PGBD5: variants seen among roughly 807,000 people sequenced by gnomAD.
PGBD5 encodes piggyBac transposable element-derived protein 5.
PGBD5 carries 14 observed loss-of-function variants against 47.9 expected under a neutral mutation model. The ratio of observed to expected loss-of-function variants is 0.29; its 90% CI spans 0.19 to 0.46. The LOEUF is 0.46. PGBD5 is among the 20% of genes least tolerant of loss of function. PGBD5 has a pLI of 1.00. For missense variants in PGBD5, 635 were observed against 716.0 expected (o/e 0.89, Z 1.29); for synonymous variants, 316 against 306.3 (o/e 1.03, Z -0.33).
intron 1 of PGBD5, among the ~76,000 whole-genome samples, chr1:230,369,736 A>G (rs1169521795): frequency 6.6e-6 from 1 of 152,114 alleles, no homozygotes; most frequent in African/African-American, 2.4e-5. Context: ...TGGGGTACTC[A>G]TGGCATCCCA....
At position 230,339,377 on chromosome 1, in the gene PGBD5, A is replaced by C. The variant is rs1571829939; in HGVS notation, c.895-2089T>G. 3.3e-5 allele frequency among the ~76,000 whole-genome samples: 5 copies of C among 152,348 alleles called. No individual in the cohort carries two copies. In the South Asian group the frequency reaches 1.0e-3, roughly 32 times the overall value. On this transcript the variant is annotated intron_variant, in intron 3 of 6. Transcript: ENST00000391860. Reference sequence around the variant, plus strand: ...TGCTGATTTGGTATAAATACGCATAAACTTTCCGGAGGGAAATTTTGCCCA... The same window carrying C: ...TGCTGATTTGGTATAAATACGCATACACTTTCCGGAGGGAAATTTTGCCCA...
rs1024517113 is a variant in PGBD5 at position 230,318,626 on chromosome 1, TAAGG to T, written c.*4795_*4798del. On this transcript the variant is annotated 3_prime_UTR_variant, in exon 7 of 7. Coordinates refer to ENST00000391860, the MANE Select transcript of PGBD5 (RefSeq NM_001258311.2). ...AGCCAAAGCTTGGCAAGCCCTCGCT[TAAGG>T]AAGAGGGACCAGAACCACAAAGCTG... The T allele has an allele frequency of 3.3e-5, 5 of 152,180 alleles. No homozygotes were observed. The highest frequency in any genetic ancestry group is 1.2e-4 in the African/African-American group (5 of 41,396). The allele number at this position is 152,180 out of a possible 1,614,324, so 9.4% of individuals were successfully genotyped here. A position where few individuals can be genotyped will look rare whatever the true frequency, so the allele number is the denominator to read the frequency against.
chr1:230,410,600 G>C (rs541685555), intron 1 of PGBD5, among the ~76,000 whole-genome samples: 1 of 152,176 alleles, frequency 6.6e-6, no homozygotes, highest in South Asian at 2.1e-4. Context: ...ATCAAAAGGG[G>C]AACTGGAGGA....
At chr1:230,390,522 G>A (rs749073361) in intron 1 of PGBD5, among the ~76,000 whole-genome samples, 5 of 152,098 alleles carry the variant, frequency 3.3e-5, no homozygotes, top group Non-Finnish European at 7.4e-5. Flanking sequence ...AAAGGGTGAG[G>A]GCAAACTCAA....
chr1:230,389,659 T>C (rs1011993349), intron 1 of PGBD5, among the ~76,000 whole-genome samples: 3 of 152,060 alleles, frequency 2.0e-5, no homozygotes, highest in African/African-American at 7.3e-5. Context: ...GAGAATACAG[T>C]TGAGAGAGCT....
intron 4 of PGBD5, 130 bp from the exon 5 acceptor site, chr1:230,333,171 C>T: frequency 2.3e-6 from 2 of 882,566 alleles, no homozygotes; most frequent in South Asian, 1.7e-5. Flanking sequence ...GAGTCAGACC[C>T]TCTAGAGACC....
At position 230,349,221 on chromosome 1, in the gene PGBD5, T is replaced by A. The variant is rs546727455; in HGVS notation, c.894+1737A>T. Among the ~76,000 whole-genome samples, 5 of 152,206 alleles carry A rather than the reference T, an allele frequency of 3.3e-5. No homozygotes were observed. In the East Asian group the frequency reaches 9.7e-4, roughly 29 times the overall value. On this transcript the variant is annotated intron_variant, in intron 3 of 6. Coordinates refer to ENST00000391860, the MANE Select transcript of PGBD5 (RefSeq NM_001258311.2). ...GCCAGATGCACACAGGATCCGCATGTAAACATTTATTCCAAAGCTACACAG... is the reference window on the plus strand; with the variant it reads ...GCCAGATGCACACAGGATCCGCATGAAAACATTTATTCCAAAGCTACACAG...
chr1:230,408,718 C>T (rs574592054), intron 1 of PGBD5, among the ~76,000 whole-genome samples: 42 of 151,910 alleles, frequency 2.8e-4, no homozygotes, highest in Non-Finnish European at 5.4e-4. Flanking sequence ...TCAAAATAGA[C>T]CAAAGATGTA....
At position 230,323,580 on chromosome 1, in the gene PGBD5, C is replaced by T; in HGVS notation, c.1420G>A (p.Val474Met). 1 of 1,614,124 alleles carries T rather than the reference C, an allele frequency of 6.2e-7. No individual in the cohort carries two copies. The highest frequency in any genetic ancestry group is 1.3e-5 in the African/African-American group (1 of 75,044). Reference protein sequence around the residue: ...SHKPNKTWQQVFWFAISIAIN... With the variant: ...SHKPNKTWQQMFWFAISIAIN... Reference sequence around the variant, plus strand: ...GCGATGCTGATGGCGAACCAGAACACCTGCTGCCAGGTCTTGTTTGGTTTA... The same window carrying T: ...GCGATGCTGATGGCGAACCAGAACATCTGCTGCCAGGTCTTGTTTGGTTTA... The change falls in exon 7 of 7, where the codon GTG becomes ATG. Residue 474 changes from valine to methionine, a missense_variant. By Grantham distance (21) the Val-to-Met change is conservative. Coordinates refer to ENST00000391860, the MANE Select transcript of PGBD5 (RefSeq NM_001258311.2). The surrounding 1 kb of genome is among the most constrained non-coding windows in gnomAD (Gnocchi z 4.1).
Position 230,318,577 on chromosome 1 carries a change from C to T in PGBD5, c.*4848G>A, listed in dbSNP as rs1324991201. The T allele has an allele frequency of 2.0e-5, 3 of 152,260 alleles. No individual in the cohort carries two copies. Among genetic ancestry groups the T allele is most frequent in the Admixed American group, 1.3e-4 (2 of 15,290 alleles). 9.4% of individuals were successfully genotyped at this position (152,260 alleles called of 1,614,324 possible). A position where few individuals can be genotyped will look rare whatever the true frequency, so the allele number is the denominator to read the frequency against. On this transcript the variant is annotated 3_prime_UTR_variant, in exon 7 of 7. Coordinates refer to ENST00000391860, the MANE Select transcript of PGBD5 (RefSeq NM_001258311.2). Reference sequence around the variant, plus strand: ...GGACTTCTTTCGTTTGGAACTCCCACTACACAAGGCTAAGGCTTTCCACAG... The same window carrying T: ...GGACTTCTTTCGTTTGGAACTCCCATTACACAAGGCTAAGGCTTTCCACAG...
chr1:230,389,318 G>A (rs2820370), intron 1 of PGBD5, among the ~76,000 whole-genome samples: 15,722 of 151,624 alleles, frequency 0.1, 1,289 homozygotes, highest in Non-Finnish European at 0.15. Context: ...GATTACAGGC[G>A]CGTGCCACCA....
chr1:230,345,393 AT>A (rs1461368931), intron 3 of PGBD5, among the ~76,000 whole-genome samples: 2 of 152,244 alleles, frequency 1.3e-5, no homozygotes, highest in Non-Finnish European at 2.9e-5. Flanking sequence ...CATCATCTGT[AT>A]AAATCTCTCC....
intron 1 of PGBD5, among the ~76,000 whole-genome samples, chr1:230,394,167 AG>A (rs1421572141): frequency 2.0e-5 from 3 of 151,964 alleles, no homozygotes; most frequent in Non-Finnish European, 4.4e-5. Flanking sequence ...ATCATCCCAC[AG>A]GGCCAGGGAG....
At chr1:230,418,498 T>C (rs146459417) in intron 1 of PGBD5, among the ~76,000 whole-genome samples, 287 of 152,232 alleles carry the variant, frequency 1.9e-3, no homozygotes, top group Non-Finnish European at 3.3e-3. Context: ...ATGCTAAGAA[T>C]GTTTTTCTTT....
At chr1:230,381,166 C>T (rs537209605) in intron 1 of PGBD5, among the ~76,000 whole-genome samples, 4 of 152,342 alleles carry the variant, frequency 2.6e-5, no homozygotes, top group East Asian at 1.9e-4. Context: ...AACAAGGTTG[C>T]GAAATTTACC....
rs1299961755 is a variant in PGBD5, at chr1:230,323,215, T to A, written c.*210A>T. Reference sequence around the variant, plus strand: ...CTCATCACACCGGCGGCACTGTTTCTCGAGGGAGGACATGCTCTTCTTGGA... The same window carrying A: ...CTCATCACACCGGCGGCACTGTTTCACGAGGGAGGACATGCTCTTCTTGGA... On this transcript the variant is annotated 3_prime_UTR_variant, in exon 7 of 7. Coordinates refer to ENST00000391860, the MANE Select transcript of PGBD5 (RefSeq NM_001258311.2). This position sits in a 1 kb window ranked among gnomAD's most constrained non-coding sequence, Gnocchi z 4.1. The A allele has an allele frequency of 1.7e-6, 1 of 580,674 alleles. No homozygotes were observed. The highest frequency in any genetic ancestry group is 1.9e-5 in the African/African-American group (1 of 53,676). The allele number at this position is 580,674 out of a possible 1,614,324, so 36.0% of individuals were successfully genotyped here. A position where few individuals can be genotyped will look rare whatever the true frequency, so the allele number is the denominator to read the frequency against.
chr1:230,407,188 A>G (rs1276032716), intron 1 of PGBD5, among the ~76,000 whole-genome samples: 1 of 152,254 alleles, frequency 6.6e-6, no homozygotes, highest in Non-Finnish European at 1.5e-5. Flanking sequence ...GAGCTTGAAG[A>G]AAAGAGTTAC....
At chr1:230,411,900 A>C (rs1265491017) in intron 1 of PGBD5, among the ~76,000 whole-genome samples, 2 of 152,226 alleles carry the variant, frequency 1.3e-5, no homozygotes, top group Non-Finnish European at 2.9e-5. Context: ...GCATTTAATA[A>C]AAGTTTTTAA....
At position 230,418,501 on chromosome 1, in the gene PGBD5, T is replaced by C. The variant is rs1047802968; in HGVS notation, c.331+7097A>G. 2.0e-5 allele frequency among the ~76,000 whole-genome samples: 3 copies of C among 152,034 alleles called. No homozygotes were observed. The South Asian group carries it at 6.2e-4, about 32-fold the overall frequency. On this transcript the variant is annotated intron_variant, in intron 1 of 6. Transcript: ENST00000391860. Reference sequence around the variant, plus strand: ...GGAATCTTCAGGATGCTAAGAATGTTTTTCTTTTTTCTTTTCGAGATGGGG... The same window carrying C: ...GGAATCTTCAGGATGCTAAGAATGTCTTTCTTTTTTCTTTTCGAGATGGGG...
Sources: allele counts gnomAD v4.1 joint callset (sites outside exome capture counted in the v4.1 genomes callset), GRCh38; gene constraint gnomAD v4.1.1; non-coding constraint Gnocchi (gnomAD v3.1); transcripts MANE v1.5; gene names NCBI Gene and HGNC (gene_info 2026-07-23, HGNC 2026-07-21).